Variants in NTRK2 observed in about 807,000 individuals in gnomAD.
The protein encoded by NTRK2 is BDNF/NT-3 growth factors receptor.
NTRK2 carries 13 observed loss-of-function variants against 94.5 expected under a neutral mutation model. The ratio of observed to expected loss-of-function variants is 0.14; its 90% CI spans 0.09 to 0.22. The LOEUF (loss-of-function observed/expected upper bound fraction) is 0.22. NTRK2 is among the 10% of genes least tolerant of loss of function. The probability of loss-of-function intolerance (pLI) is 1.00; values close to 1 mark genes in which losing one functional copy is unlikely to be tolerated. For synonymous variants in NTRK2, 372 were observed against 407.4 expected (o/e 0.91, Z 1.05); for missense variants, 639 against 1,071.2 (o/e 0.60, Z 5.63).
chr9:84,740,879 T>G (rs1277291380), intron 9 of NTRK2, among the ~76,000 whole-genome samples: 1 of 152,234 alleles, frequency 6.6e-6, no homozygotes, highest in East Asian at 1.9e-4. Context: ...CTCATTTCGC[T>G]TTACTTTAAT....
chr9:84,811,022 T>C (rs2071724443), intron 12 of NTRK2: 4 of 1,099,160 alleles, frequency 3.6e-6, no homozygotes, highest in Non-Finnish European at 4.5e-6. Context: ...AAGTGCACAC[T>C]GAATAGTCTA....
At chr9:84,735,501 A>C (rs768666877) in intron 9 of NTRK2, among the ~76,000 whole-genome samples, 1 of 152,242 alleles carries the variant, frequency 6.6e-6, no homozygotes, top group Non-Finnish European at 1.5e-5. Context: ...GCATCCATCA[A>C]GATGACCTCA....
intron 14 of NTRK2, among the ~76,000 whole-genome samples, chr9:84,879,737 C>T (rs557199154): frequency 2.0e-5 from 3 of 152,204 alleles, no homozygotes; most frequent in South Asian, 4.1e-4. Flanking sequence ...CAAATTAATA[C>T]CCAGCAATTT....
In NTRK2 at chr9:85,022,709, C is replaced by T. The variant is rs996905077; in HGVS notation, c.*1272C>T. On this transcript the variant is annotated 3_prime_UTR_variant, in exon 19 of 19. Coordinates refer to ENST00000277120, the MANE Select transcript of NTRK2 (RefSeq NM_006180.6). ...GTTTCCCTGATAGGTAGAGCAGATC[C>T]ATAAAAAGGTATGACTTATACAATT... is the stretch of plus-strand genomic sequence containing the variant. 8.6e-6 allele frequency: 2 copies of T among 233,102 alleles called. No individual in the cohort carries two copies. Among genetic ancestry groups the T allele is most frequent in the African/African-American group, 4.4e-5 (2 of 45,338 alleles). The allele number at this position is 233,102 out of a possible 1,614,324, so 14.4% of individuals were successfully genotyped here.
intron 14 of NTRK2, among the ~76,000 whole-genome samples, chr9:84,926,848 G>A (rs1003853992): frequency 6.6e-6 from 1 of 152,168 alleles, no homozygotes; most frequent in African/African-American, 2.4e-5. Context: ...TATGCCCATA[G>A]GTGTTTATTT....
At chr9:84,946,327 T>C (rs775826057) in intron 15 of NTRK2, among the ~76,000 whole-genome samples, 1 of 152,166 alleles carries the variant, frequency 6.6e-6, no homozygotes, top group African/African-American at 2.4e-5. Context: ...TTGCTGTCAG[T>C]GTTTAGTTCT....
intron 14 of NTRK2, among the ~76,000 whole-genome samples, chr9:84,931,687 C>T (rs935958343): frequency 3.1e-5 from 4 of 128,054 alleles, no homozygotes; most frequent in East Asian, 2.3e-4. Flanking sequence ...GCTTGGACTG[C>T]GAAAAGAAAG....
intron 12 of NTRK2, among the ~76,000 whole-genome samples, chr9:84,771,637 A>G (rs2066555193): frequency 1.3e-5 from 2 of 152,162 alleles, no homozygotes; most frequent in African/African-American, 4.8e-5. Flanking sequence ...TCTTTCTGGA[A>G]TGTTCTTCCT....
intron 15 of NTRK2, among the ~76,000 whole-genome samples, chr9:84,948,234 ACCT>A (rs769952407): frequency 3.9e-5 from 6 of 152,178 alleles, no homozygotes; most frequent in Admixed American, 1.3e-4. Flanking sequence ...CCCTAAAAAG[ACCT>A]CCTGTCTGTA....
intron 12 of NTRK2, among the ~76,000 whole-genome samples, chr9:84,789,872 A>T (rs1419463965): frequency 6.6e-6 from 1 of 152,186 alleles, no homozygotes; most frequent in Non-Finnish European, 1.5e-5. Flanking sequence ...GTAACTAAAC[A>T]GCTTAAGTGC....
chr9:84,692,259 C>G (rs1755215271), intron 2 of NTRK2, among the ~76,000 whole-genome samples: 1 of 152,108 alleles, frequency 6.6e-6, no homozygotes, highest in Admixed American at 6.5e-5. Context: ...CCATCCCTTG[C>G]TTCTCCTGGG....
chr9:84,927,511 A>G (rs1271310071), intron 14 of NTRK2, among the ~76,000 whole-genome samples: 2 of 152,180 alleles, frequency 1.3e-5, no homozygotes, highest in Non-Finnish European at 2.9e-5. Context: ...GTAGGTGCAT[A>G]GTAAAAGTTT....
At chr9:84,950,330 G>A (rs1410761337) in intron 16 of NTRK2, among the ~76,000 whole-genome samples, 5 of 152,172 alleles carry the variant, frequency 3.3e-5, no homozygotes, top group African/African-American at 9.7e-5. Context: ...GCAAGGGAGG[G>A]AAGAAATGTG....
At chr9:84,706,511 G>GTTTTTT (rs2061076062) in intron 4 of NTRK2, among the ~76,000 whole-genome samples, 1 of 97,532 alleles carries the variant, frequency 1.0e-5, no homozygotes, top group Non-Finnish European at 2.1e-5. Context: ...TCTCATGTGT[G>GTTTTTT]TTATTTTTTG....
chr9:84,736,083 C>G (rs1364259660), intron 9 of NTRK2, among the ~76,000 whole-genome samples: 1 of 152,192 alleles, frequency 6.6e-6, no homozygotes, highest in African/African-American at 2.4e-5. Flanking sequence ...AATCATTACC[C>G]AAGTGATTTA....
At chr9:84,736,823 T>C (rs1318259193) in intron 9 of NTRK2, among the ~76,000 whole-genome samples, 2 of 152,230 alleles carry the variant, frequency 1.3e-5, no homozygotes, top group African/African-American at 2.4e-5. Context: ...AGACTCCCAC[T>C]GCTATATAGC....
intron 17 of NTRK2, among the ~76,000 whole-genome samples, chr9:84,986,630 G>T (rs1828343287): frequency 6.8e-6 from 1 of 146,886 alleles, no homozygotes; most frequent in African/African-American, 2.5e-5. Context: ...AACTTTTTTT[G>T]CCACCTTACA....
At position 84,765,744 on chromosome 9, in the gene NTRK2, CT is replaced by C. The variant is rs558042379; in HGVS notation, c.1396+13660del. ...TCTCAAAGCTGGGGACACTTAAGAT[CT>C]GTGGTAACAAGAGAGTTTTAGGAGG... On this transcript the variant is annotated intron_variant, in intron 12 of 18. Transcript: ENST00000277120. Among the ~76,000 whole-genome samples the C allele has an allele frequency of 8.9e-4, 136 of 152,178 alleles. 1 individual carries two copies. The highest frequency in any genetic ancestry group is 3.1e-3 in the African/African-American group (130 of 41,532).
intron 9 of NTRK2, among the ~76,000 whole-genome samples, chr9:84,736,024 A>C (rs187469847): frequency 3.9e-5 from 6 of 152,324 alleles, no homozygotes; most frequent in Admixed American, 3.9e-4. Context: ...AAGGCCAGGT[A>C]GTCCTATAAA....
Sources: gnomAD v4.1 joint callset for allele counts (sites outside exome capture counted in the v4.1 genomes callset) on GRCh38, gnomAD v4.1.1 for gene constraint, MANE v1.5 for transcripts, NCBI Gene and HGNC (gene_info 2026-07-23, HGNC 2026-07-21) for gene names.